The following PDZRN4 variants were observed in gnomAD, a reference collection of about 807,000 sequenced individuals.
PDZRN4 encodes the protein PDZ domain-containing RING finger protein 4.
In PDZRN4, 70 loss-of-function variants were observed where a neutral mutation model predicts 99.0. That is an observed-to-expected ratio of 0.71 (90% CI 0.58 to 0.86). The LOEUF is 0.86. Among genes scored for constraint, PDZRN4 ranks in the 40% least tolerant of loss-of-function variants. PDZRN4 has a pLI of 0.00. For missense variants in PDZRN4, 1,474 were observed against 1,331.2 expected (o/e 1.11, Z -1.67); for synonymous variants, 551 against 501.6 (o/e 1.10, Z -1.32).
chr12:41,234,455 G>A lies in PDZRN4; in HGVS notation c.843+40267G>A, dbSNP rs768091279. Among the ~76,000 whole-genome samples, 80 of 152,106 alleles carry A rather than the reference G, an allele frequency of 5.3e-4. No individual in the cohort carries two copies. In the Middle Eastern group the frequency reaches 0.027, roughly 52 times the overall value. ...TGGGTGTATTCCATTTATAAAAAGG[G>A]ACTTCCATAATCACAATGTGAAACA... is the stretch of plus-strand genomic sequence containing the variant. On this transcript the variant is annotated intron_variant, in intron 3 of 9. Transcript: ENST00000402685.
At chr12:41,272,890 G>A (rs773897080) in intron 3 of PDZRN4, among the ~76,000 whole-genome samples, 4 of 151,994 alleles carry the variant, frequency 2.6e-5, no homozygotes, top group Non-Finnish European at 4.4e-5. Context: ...TGGGAGAACA[G>A]CAAAATAGAT....
At chr12:41,476,779 T>G (rs1326219047) in intron 3 of PDZRN4, among the ~76,000 whole-genome samples, 1 of 152,222 alleles carries the variant, frequency 6.6e-6, no homozygotes, top group Non-Finnish European at 1.5e-5. Context: ...TTCCCATGCC[T>G]GCCTGGCGGC....
intron 3 of PDZRN4, among the ~76,000 whole-genome samples, chr12:41,283,693 G>A (rs1366381968): frequency 6.6e-6 from 1 of 151,980 alleles, no homozygotes; most frequent in African/African-American, 2.4e-5. Context: ...TGGGATGCAA[G>A]GCTGGTTCAA....
intron 3 of PDZRN4, among the ~76,000 whole-genome samples, chr12:41,231,053 G>T (rs1306845433): frequency 2.0e-5 from 3 of 152,050 alleles, no homozygotes; most frequent in Non-Finnish European, 4.4e-5. Context: ...ACACGTGCAT[G>T]TGTGTTTTCA....
intron 3 of PDZRN4, among the ~76,000 whole-genome samples, chr12:41,217,508 A>G (rs936115538): frequency 1.3e-5 from 2 of 152,104 alleles, no homozygotes; most frequent in Admixed American, 6.6e-5. Context: ...CATGAGAAAA[A>G]AAATAGCAGG....
At chr12:41,511,708 C>T (rs970473955) in intron 5 of PDZRN4, among the ~76,000 whole-genome samples, 21 of 152,112 alleles carry the variant, frequency 1.4e-4, no homozygotes, top group African/African-American at 5.1e-4. Flanking sequence ...CCCAGTACTC[C>T]TCAGTCTGTT....
chr12:41,374,730 A>G (rs1565565616), intron 3 of PDZRN4, among the ~76,000 whole-genome samples: 1 of 152,122 alleles, frequency 6.6e-6, no homozygotes, highest in Non-Finnish European at 1.5e-5. Flanking sequence ...CAGGAGAAAG[A>G]TCTGGCCTGA....
intron 3 of PDZRN4, among the ~76,000 whole-genome samples, chr12:41,467,653 T>G (rs1202025752): frequency 2.0e-5 from 3 of 152,164 alleles, no homozygotes; most frequent in African/African-American, 7.2e-5. Flanking sequence ...CACTCTTACC[T>G]TACCACAAAC....
intron 3 of PDZRN4, among the ~76,000 whole-genome samples, chr12:41,237,624 C>T (rs537535708): frequency 6.6e-6 from 1 of 151,966 alleles, no homozygotes; most frequent in Non-Finnish European, 1.5e-5. Flanking sequence ...GTCGTTAATC[C>T]ATCTTGAGTT....
At chr12:41,410,519 T>A (rs1396080963) in intron 3 of PDZRN4, among the ~76,000 whole-genome samples, 1 of 152,236 alleles carries the variant, frequency 6.6e-6, no homozygotes, top group Non-Finnish European at 1.5e-5. Context: ...GATATTGTTT[T>A]GGGCCAGGCT....
At chr12:41,405,205 C>G (rs1046460222) in intron 3 of PDZRN4, among the ~76,000 whole-genome samples, 1 of 151,976 alleles carries the variant, frequency 6.6e-6, no homozygotes, top group Admixed American at 6.6e-5. Flanking sequence ...AACTATGCAT[C>G]CAACAAAAGT....
intron 3 of PDZRN4, among the ~76,000 whole-genome samples, chr12:41,280,175 A>G (rs1591995480): frequency 6.6e-6 from 1 of 152,134 alleles, no homozygotes; most frequent in Non-Finnish European, 1.5e-5. Context: ...GGACGGTGCT[A>G]TGCAGCCTAG....
At chr12:41,408,009 A>C (rs1425639348) in intron 3 of PDZRN4, among the ~76,000 whole-genome samples, 1 of 152,238 alleles carries the variant, frequency 6.6e-6, no homozygotes, top group Non-Finnish European at 1.5e-5. Flanking sequence ...GACTTAACAT[A>C]CAATTAGTTT....
chr12:41,331,790 A>G (rs577870029), intron 3 of PDZRN4, among the ~76,000 whole-genome samples: 1 of 152,160 alleles, frequency 6.6e-6, no homozygotes, highest in African/African-American at 2.4e-5. Flanking sequence ...GAGAATGAGA[A>G]CCGAGCAAAG....
intron 3 of PDZRN4, among the ~76,000 whole-genome samples, chr12:41,414,980 T>C (rs1952432101): frequency 6.6e-6 from 1 of 152,192 alleles, no homozygotes; most frequent in African/African-American, 2.4e-5. Context: ...ATGAGCAGTA[T>C]GAGCTCAGGC....
intron 3 of PDZRN4, among the ~76,000 whole-genome samples, chr12:41,401,954 C>T (rs115772036): frequency 0.024 from 3,575 of 151,060 alleles, 117 homozygotes; most frequent in African/African-American, 0.079. Flanking sequence ...TCATTTCTCT[C>T]TCTTCATGTA....
chr12:41,341,037 G>GGAT (rs1951812292), intron 3 of PDZRN4, among the ~76,000 whole-genome samples: 2 of 151,844 alleles, frequency 1.3e-5, no homozygotes, highest in Admixed American at 6.6e-5. Context: ...ATTTATCCAG[G>GGAT]GATTCAAGGA....
chr12:41,450,880 A>C (rs1952768921), intron 3 of PDZRN4, among the ~76,000 whole-genome samples: 1 of 152,162 alleles, frequency 6.6e-6, no homozygotes, highest in Non-Finnish European at 1.5e-5. Flanking sequence ...GTGAGCTATA[A>C]TTGTGCCACT....
At chr12:41,240,872 TG>T (rs539431842) in intron 3 of PDZRN4, among the ~76,000 whole-genome samples, 12 of 152,290 alleles carry the variant, frequency 7.9e-5, no homozygotes, top group African/African-American at 2.9e-4. Context: ...ACTATCATCT[TG>T]GGGGTTAGGA....
Sources: gnomAD v4.1 joint callset for allele counts (sites outside exome capture counted in the v4.1 genomes callset) on GRCh38, gnomAD v4.1.1 for gene constraint, MANE v1.5 for transcripts, NCBI Gene and HGNC (gene_info 2026-07-23, HGNC 2026-07-21) for gene names.